The following SCGB1D2 variants were observed in gnomAD, a reference collection of about 807,000 sequenced individuals.
SCGB1D2 encodes lipophilin-B.
SCGB1D2 carries 10 observed loss-of-function variants against 10.5 expected under a neutral mutation model. The observed-to-expected ratio is 0.95, with a 90% CI of 0.59 to 1.61. The LOEUF (loss-of-function observed/expected upper bound fraction) is 1.61, where lower values mean the gene tolerates loss of function less well. SCGB1D2 is among the 40% of genes most tolerant of loss of function. SCGB1D2 has a pLI of 0.00. For synonymous variants in SCGB1D2, 42 were observed against 42.8 expected, an observed-to-expected ratio of 0.98 and a Z score of 0.08; for missense variants, 113 against 103.8, an observed-to-expected ratio of 1.09 and a Z score of -0.38.
At chr11:62,244,604 T>C in intron 2 of SCGB1D2, 66 bp from the exon 3 acceptor site, 1 of 1,433,070 alleles carries the variant, frequency 7.0e-7, no homozygotes, top group Non-Finnish European at 9.7e-7. Context: ...GCCTCTTGGA[T>C]GTGAGCCTGT....
At position 62,244,648 on chromosome 11, in the gene SCGB1D2, CT is replaced by C. The variant is rs758432317; in HGVS notation, c.244-16del. On this transcript the variant is annotated intron_variant, in intron 2 of 2. Coordinates refer to ENST00000244926, the MANE Select transcript of SCGB1D2 (RefSeq NM_006551.4). ...GCAGCAGCATGACTGACCCCACCTT[CT>C]TTTTTCTTTTCCTATTTTAGGTGAA... The C allele has an allele frequency of 1.9e-6, 3 of 1,611,498 alleles. No homozygotes were observed. In the Admixed American group the frequency reaches 5.0e-5, roughly 27 times the overall value.
At chr11:62,243,936 T>G (rs537855117) in intron 2 of SCGB1D2, among the ~76,000 whole-genome samples, 1 of 152,214 alleles carries the variant, frequency 6.6e-6, no homozygotes, top group Non-Finnish European at 1.5e-5. Context: ...GATGTAGCAC[T>G]GGCAGGCTGG....
chr11:62,242,376 T>C lies in SCGB1D2; in HGVS notation c.55+14T>C. The C allele has an allele frequency of 1.2e-6, 2 of 1,613,690 alleles. No individual in the cohort carries two copies. The highest frequency in any genetic ancestry group is 1.7e-6 in the Non-Finnish European group (2 of 1,179,648). On this transcript the variant is annotated intron_variant, in intron 1 of 2. Coordinates refer to ENST00000244926, the MANE Select transcript of SCGB1D2 (RefSeq NM_006551.4). ...GCTGCTACCAGGGTGAGTACATCAG[T>C]CATGAGTCTAGCTCCAGCCCCTGGG... is the stretch of plus-strand genomic sequence containing the variant.
At chr11:62,242,677 C>A (rs1945073056) in intron 1 of SCGB1D2, among the ~76,000 whole-genome samples, 1 of 152,300 alleles carries the variant, frequency 6.6e-6, no homozygotes, top group Middle Eastern at 3.4e-3. Context: ...ACTTCCCAGC[C>A]CTTTGACCTT....
chr11:62,243,942 G>A (rs1945087347), intron 2 of SCGB1D2, among the ~76,000 whole-genome samples: 1 of 152,110 alleles, frequency 6.6e-6, no homozygotes, highest in Non-Finnish European at 1.5e-5. Flanking sequence ...GCACTGGCAG[G>A]CTGGACTTCT....
At chr11:62,243,595 C>G in intron 2 of SCGB1D2, 119 bp downstream of exon 2, 1 of 835,268 alleles carries the variant, frequency 1.2e-6, no homozygotes. Flanking sequence ...CTGGTCACCT[C>G]TTGAGAAGGT....
Position 62,242,755 on chromosome 11 carries a change from C to T in SCGB1D2, c.55+393C>T, listed in dbSNP as rs1621989. On this transcript the variant is annotated intron_variant, in intron 1 of 2. Coordinates refer to ENST00000244926, the MANE Select transcript of SCGB1D2 (RefSeq NM_006551.4). ...TAGTTAGCGCTTCTGCCAGGAGAGG[C>T]TATGAGAATGGAGTAAGAAAGATTA... is the stretch of plus-strand genomic sequence containing the variant. Among the ~76,000 whole-genome samples, 323 of 152,252 alleles carry T rather than the reference C, an allele frequency of 2.1e-3. 1 individual carries two copies. The highest frequency in any genetic ancestry group is 7.5e-3 in the African/African-American group (310 of 41,544).
At chr11:62,243,008 C>T (rs1256146235) in intron 1 of SCGB1D2, among the ~76,000 whole-genome samples, 3 of 152,170 alleles carry the variant, frequency 2.0e-5, no homozygotes, top group Admixed American at 2.0e-4. Flanking sequence ...GGGGATATCG[C>T]TTGAGCCCAG....
intron 2 of SCGB1D2, among the ~76,000 whole-genome samples, chr11:62,244,359 A>G (rs779873705): frequency 3.3e-5 from 5 of 152,104 alleles, no homozygotes; most frequent in Non-Finnish European, 5.9e-5. Flanking sequence ...GGAGACTCCA[A>G]GCCCTGGGAC....
At chr11:62,244,570 G>T in intron 2 of SCGB1D2, 100 bp from the exon 3 acceptor site, 1 of 1,072,824 alleles carries the variant, frequency 9.3e-7, no homozygotes, top group South Asian at 1.4e-5. Context: ...CCTTCCAATT[G>T]CCTTTGGGGG....
Position 62,242,254 on chromosome 11 carries a change from A to G in SCGB1D2, c.-54A>G, listed in dbSNP as rs2134753868. On this transcript the variant is annotated 5_prime_UTR_variant, in exon 1 of 3. Transcript: ENST00000244926. Reference sequence around the variant, plus strand: ...GCAGCTCCACAGGCTCCTGGGGTGGAGTCCAAATCACTCATTGTTTGTGAA... The same window carrying G: ...GCAGCTCCACAGGCTCCTGGGGTGGGGTCCAAATCACTCATTGTTTGTGAA... 1.9e-6 allele frequency: 3 copies of G among 1,595,426 alleles called. No individual in the cohort carries two copies. In the Admixed American group the frequency reaches 5.0e-5, roughly 27 times the overall value.
chr11:62,243,372 G>T lies in SCGB1D2; in HGVS notation c.139G>T (p.Ala47Ser). 6.2e-7 allele frequency: 1 copy of T among 1,614,040 alleles called. No individual in the cohort carries two copies. The highest frequency in any genetic ancestry group is 8.5e-7 in the Non-Finnish European group (1 of 1,179,878). The stretch of plus-strand genomic sequence containing the variant: ...TGAACCTCTGTTCAAGTTAAGTCTT[G>T]CCAAATTTGATGCCCCTCCGGAAGC... ...ISEPLFKLSL[A>S]KFDAPPEAVA... Residue 47 changes from alanine (A) to serine (S), a missense_variant, in exon 2 of 3, where the codon GCC becomes TCC. Ala to Ser is a moderately conservative substitution (Grantham distance 99). Coordinates refer to ENST00000244926, the MANE Select transcript of SCGB1D2 (RefSeq NM_006551.4).
At chr11:62,244,544 G>C in intron 2 of SCGB1D2, 126 bp from the exon 3 acceptor site, 1 of 794,352 alleles carries the variant, frequency 1.3e-6, no homozygotes, top group Non-Finnish European at 2.1e-6. Context: ...TTCCCAAACT[G>C]AGTTGTTGCC....
Position 62,243,340 on chromosome 11 carries a change from T to G in SCGB1D2, c.107T>G (p.Phe36Cys). 1.2e-6 allele frequency: 2 copies of G among 1,614,094 alleles called. No homozygotes were observed. Among genetic ancestry groups the G allele is most frequent in the Non-Finnish European group, 1.7e-6 (2 of 1,179,942 alleles). Residue 36 changes from phenylalanine (F) to cysteine (C), a missense_variant, in exon 2 of 3, where the codon TTC becomes TGC. Phe to Cys is a radical substitution (Grantham distance 205). Transcript: ENST00000244926. ...GTTTCTGAGCTGTTAGACTTCTTCTTCATTAGTGAACCTCTGTTCAAGTTA... is the reference window on the plus strand; with the variant it reads ...GTTTCTGAGCTGTTAGACTTCTTCTGCATTAGTGAACCTCTGTTCAAGTTA... ...ALVSELLDFF[F>C]ISEPLFKLSL... is the part of the protein sequence containing the mutation.
At chr11:62,243,865 G>A (rs754764240) in intron 2 of SCGB1D2, among the ~76,000 whole-genome samples, 95 of 152,320 alleles carry the variant, frequency 6.2e-4, no homozygotes, top group Non-Finnish European at 8.2e-4. Context: ...GTCCTGGGGA[G>A]CATGGGAGCC....
intron 2 of SCGB1D2, 49 bp from the exon 3 acceptor site, chr11:62,244,621 C>T: frequency 6.4e-7 from 1 of 1,570,216 alleles, no homozygotes; most frequent in Non-Finnish European, 8.7e-7. Flanking sequence ...CTGTCACCTC[C>T]AGCAGCAGCA....
rs910502672 is a variant in SCGB1D2 at position 62,244,408 on chromosome 11, C to T, written c.244-262C>T. Among the ~76,000 whole-genome samples the T allele has an allele frequency of 8.5e-5, 13 of 152,160 alleles. 1 individual carries two copies. Among genetic ancestry groups the T allele is most frequent in the African/African-American group, 3.1e-4 (13 of 41,438 alleles). On this transcript the variant is annotated intron_variant, in intron 2 of 2. Coordinates refer to ENST00000244926, the MANE Select transcript of SCGB1D2 (RefSeq NM_006551.4). ...ACCTCTTGCTGCTCTCTCCAACCCT[C>T]GTCACTTGCTTCCATGAGGATCCTG...
chr11:62,243,529 A>C (rs1945082307), intron 2 of SCGB1D2, 53 bp downstream of exon 2: 6 of 1,474,032 alleles, frequency 4.1e-6, no homozygotes, highest in Non-Finnish European at 5.6e-6. Flanking sequence ...GCACAGTATG[A>C]AGTGAGGTCA....
Position 62,244,592 on chromosome 11 carries a change from T to C in SCGB1D2, c.244-78T>C, listed in dbSNP as rs1319055966. 8 of 1,337,366 alleles carry C rather than the reference T, an allele frequency of 6.0e-6. No homozygotes were observed. The Admixed American group carries it at 1.5e-4, about 24-fold the overall frequency. 82.8% of individuals were successfully genotyped at this position (1,337,366 alleles called of 1,614,324 possible). ...ATTGCCTTTGGGGGCAGAATCCCAC[T>C]GGCCTCTTGGATGTGAGCCTGTCAC... On this transcript the variant is annotated intron_variant, in intron 2 of 2. Coordinates refer to ENST00000244926, the MANE Select transcript of SCGB1D2 (RefSeq NM_006551.4).
Sources: allele counts gnomAD v4.1 joint callset (sites outside exome capture counted in the v4.1 genomes callset), GRCh38; gene constraint gnomAD v4.1.1; transcripts MANE v1.5; gene names NCBI Gene and HGNC (gene_info 2026-07-23, HGNC 2026-07-21).